The following ASCC3 variants were observed in gnomAD, a reference collection of about 807,000 sequenced individuals.
ASCC3 encodes the protein ASC-1 complex subunit P200.
Under a neutral mutation model 256.3 loss-of-function variants are expected in ASCC3, and 158 were observed. The observed-to-expected ratio is 0.62, with a 90% confidence interval of 0.54 to 0.70. The LOEUF (loss-of-function observed/expected upper bound fraction) is 0.70, where lower values mean the gene tolerates loss of function less well. Ranked by LOEUF, ASCC3 falls within the 30% of genes least tolerant of loss-of-function variation. The probability of loss-of-function intolerance (pLI) is 0.00; values close to 1 mark genes in which losing one functional copy is unlikely to be tolerated. For synonymous variants in ASCC3, 948 were observed against 883.4 expected (o/e 1.07, Z -1.30); for missense variants, 2,259 against 2,626.0 (o/e 0.86, Z 3.05).
intron 13 of ASCC3, among the ~76,000 whole-genome samples, chr6:100,691,544 T>C (rs1363430133): frequency 2.0e-5 from 3 of 151,996 alleles, no homozygotes. Context: ...CTTAATACTA[T>C]AATGCTATAA....
chr6:100,545,986 A>C (rs1038973083), intron 36 of ASCC3, among the ~76,000 whole-genome samples: 2 of 152,216 alleles, frequency 1.3e-5, no homozygotes, highest in African/African-American at 4.8e-5. Flanking sequence ...AGGTACAACT[A>C]TCTTTATTTG....
intron 40 of ASCC3, among the ~76,000 whole-genome samples, chr6:100,511,708 G>C (rs748009657): frequency 6.6e-6 from 1 of 151,538 alleles, no homozygotes; most frequent in Non-Finnish European, 1.5e-5. Context: ...GTGAGACTTC[G>C]TATCAAAAAA....
intron 40 of ASCC3, among the ~76,000 whole-genome samples, chr6:100,512,271 C>T (rs1023691591): frequency 3.9e-5 from 6 of 152,140 alleles, no homozygotes; most frequent in Non-Finnish European, 8.8e-5. Context: ...AATGTGGTTC[C>T]TGTATACCAA....
intron 10 of ASCC3, among the ~76,000 whole-genome samples, chr6:100,732,165 C>CAAAAAA (rs386408063): frequency 1.2e-4 from 13 of 104,906 alleles, no homozygotes; most frequent in South Asian, 3.2e-4. Context: ...CGTCTCAAAA[C>CAAAAAA]AAAAAAAAAA....
intron 10 of ASCC3, among the ~76,000 whole-genome samples, chr6:100,731,303 T>C (rs181565124): frequency 5.9e-4 from 90 of 152,342 alleles, no homozygotes; most frequent in Non-Finnish European, 1.6e-4. Flanking sequence ...CAGTTCTTTG[T>C]GTTAAGACAT....
intron 13 of ASCC3, among the ~76,000 whole-genome samples, chr6:100,687,732 G>A (rs555397353): frequency 2.8e-4 from 42 of 152,174 alleles, no homozygotes; most frequent in Middle Eastern, 3.4e-3. Context: ...GATAAAACTT[G>A]TGGTCTAAGT....
At chr6:100,634,262 T>G (rs1389272233) in intron 25 of ASCC3, among the ~76,000 whole-genome samples, 1 of 152,158 alleles carries the variant, frequency 6.6e-6, no homozygotes, top group African/African-American at 2.4e-5. Context: ...ACCTTCAATA[T>G]CCTTCTTCTA....
At chr6:100,554,584 C>T (rs1562114833) in intron 36 of ASCC3, among the ~76,000 whole-genome samples, 3 of 152,132 alleles carry the variant, frequency 2.0e-5, no homozygotes, top group African/African-American at 4.8e-5. Flanking sequence ...TTAAGTAGCA[C>T]TTGATTAATT....
At chr6:100,613,514 TG>T (rs1304223061) in intron 30 of ASCC3, among the ~76,000 whole-genome samples, 16 of 152,142 alleles carry the variant, frequency 1.1e-4, no homozygotes, top group African/African-American at 3.9e-4. Flanking sequence ...TATTCTATTT[TG>T]TATATATACA....
At chr6:100,738,141 G>C (rs960908048) in intron 10 of ASCC3, among the ~76,000 whole-genome samples, 4 of 152,168 alleles carry the variant, frequency 2.6e-5, no homozygotes, top group Non-Finnish European at 5.9e-5. Flanking sequence ...TGGATAGATT[G>C]AGAAAGTTTT....
At chr6:100,565,282 G>T (rs1363737958) in intron 36 of ASCC3, among the ~76,000 whole-genome samples, 2 of 152,064 alleles carry the variant, frequency 1.3e-5, no homozygotes, top group Non-Finnish European at 2.9e-5. Context: ...AGCCCCAAAA[G>T]AAAGAACATT....
intron 4 of ASCC3, among the ~76,000 whole-genome samples, chr6:100,814,718 T>C (rs1326245153): frequency 6.6e-6 from 1 of 152,146 alleles, no homozygotes; most frequent in African/African-American, 2.4e-5. Flanking sequence ...AATTTTCTAG[T>C]TTATGTGCAC....
chr6:100,660,996 G>T (rs1331486728), intron 16 of ASCC3, among the ~76,000 whole-genome samples: 1 of 151,630 alleles, frequency 6.6e-6, no homozygotes, highest in African/African-American at 2.4e-5. Context: ...AATGAAATTT[G>T]TATAAGCTCT....
At chr6:100,519,085 T>A (rs1174351333) in intron 37 of ASCC3, among the ~76,000 whole-genome samples, 4 of 152,160 alleles carry the variant, frequency 2.6e-5, no homozygotes, top group South Asian at 4.1e-4. Context: ...TAAGGCATAC[T>A]ATGTTGTAAA....
At chr6:100,634,782 A>T (rs1774745824) in intron 25 of ASCC3, among the ~76,000 whole-genome samples, 1 of 150,394 alleles carries the variant, frequency 6.6e-6, no homozygotes, top group South Asian at 2.1e-4. Context: ...GCTACTCAGG[A>T]GGCTGAGGCA....
At position 100,766,592 on chromosome 6, in the gene ASCC3, CA is replaced by C. The variant is rs761151679; in HGVS notation, c.1709del (p.Leu570CysfsTer13). 1 of 1,613,998 alleles carries C rather than the reference CA, an allele frequency of 6.2e-7. No homozygotes were observed. Among genetic ancestry groups the C allele is most frequent in the Non-Finnish European group, 8.5e-7 (1 of 1,179,934 alleles). ...IVKELTGDMQ[L>X]SKSEILRTQM... Reference sequence around the variant, plus strand: ...GAGTTCGTAAAATTTCACTTTTGGACAACTGCATGTCACCAGTCAATTCTTT... The same window carrying C: ...GAGTTCGTAAAATTTCACTTTTGGACACTGCATGTCACCAGTCAATTCTTT... On this transcript the variant is annotated frameshift_variant, in exon 10 of 42. Transcript: ENST00000369162. LOFTEE classifies it high-confidence loss of function.
At chr6:100,556,634 C>A (rs1769589525) in intron 36 of ASCC3, among the ~76,000 whole-genome samples, 1 of 152,016 alleles carries the variant, frequency 6.6e-6, no homozygotes, top group Non-Finnish European at 1.5e-5. Flanking sequence ...CGAAATAATT[C>A]TTTATTATGT....
chr6:100,544,935 A>T (rs1224899589), intron 36 of ASCC3, among the ~76,000 whole-genome samples: 1 of 152,240 alleles, frequency 6.6e-6, no homozygotes, highest in East Asian at 1.9e-4. Context: ...TTAACAATAT[A>T]TAAACAGAAT....
Position 100,606,943 on chromosome 6 carries a change from A to G in ASCC3, c.4923+8T>C, listed in dbSNP as rs748543245. On this transcript the variant is annotated splice_region_variant and intron_variant, in intron 31 of 41. Transcript: ENST00000369162. ...TTAAATATGTGTTCACTGGAGAAAA[A>G]AAAGTACCTGAACTTTACAGTTTAC... 6 of 1,613,148 alleles carry G rather than the reference A, an allele frequency of 3.7e-6. No individual in the cohort carries two copies. Among genetic ancestry groups the G allele is most frequent in the Admixed American group, 1.7e-5 (1 of 59,930 alleles).
Sources: gnomAD v4.1 joint callset for allele counts (sites outside exome capture counted in the v4.1 genomes callset) on GRCh38, gnomAD v4.1.1 for gene constraint, MANE v1.5 for transcripts, NCBI Gene and HGNC (gene_info 2026-07-23, HGNC 2026-07-21) for gene names.